The following NTM variants were observed in gnomAD, a reference collection of about 807,000 sequenced individuals.
NTM encodes the protein neurotrimin.
In NTM, 13 loss-of-function variants were observed where a neutral mutation model predicts 42.1. That is an observed-to-expected ratio of 0.31 (90% CI 0.20 to 0.49). The LOEUF is 0.49. Ranked by LOEUF, NTM falls within the 20% of genes least tolerant of loss-of-function variation. The probability of loss-of-function intolerance (pLI) is 0.99; values close to 1 mark genes in which losing one functional copy is unlikely to be tolerated. For missense variants in NTM, 373 were observed against 452.8 expected, an observed-to-expected ratio of 0.82 and a Z score of 1.60; for synonymous variants, 187 against 179.2, an observed-to-expected ratio of 1.04 and a Z score of -0.35.
At chr11:132,271,587 C>A (rs796956297) in intron 4 of NTM, among the ~76,000 whole-genome samples, 57 of 152,180 alleles carry the variant, frequency 3.7e-4, no homozygotes, top group African/African-American at 1.1e-3. Context: ...TTATAGCCAT[C>A]CTAGTGGGGT....
rs140488715 is a variant in NTM at position 131,623,657 on chromosome 11, C to G, written c.82+252769C>G. Among the ~76,000 whole-genome samples, 223 of 152,346 alleles carry G rather than the reference C, an allele frequency of 1.5e-3. 4 individuals carry two copies. Among genetic ancestry groups the G allele is most frequent in the African/African-American group, 4.5e-3 (188 of 41,582 alleles). On this transcript the variant is annotated intron_variant, in intron 1 of 8. Transcript: ENST00000683400. ...TAGGGACGCGGATGGAGGACACTTG[C>G]AGTGCGCCTGCCTGGAGTGACCCCC...
chr11:131,427,259 A>G (rs974732442), intron 1 of NTM, among the ~76,000 whole-genome samples: 2 of 152,220 alleles, frequency 1.3e-5, no homozygotes, highest in East Asian at 3.9e-4. Context: ...AGTGAACCCA[A>G]ATAAGGTCTG....
chr11:131,953,499 AG>A (rs955375714), intron 2 of NTM, among the ~76,000 whole-genome samples: 5 of 152,226 alleles, frequency 3.3e-5, no homozygotes, highest in Non-Finnish European at 7.3e-5. Flanking sequence ...AGTGAAATGT[AG>A]CATTAAAATT....
At chr11:132,200,227 A>G (rs964241294) in intron 3 of NTM, among the ~76,000 whole-genome samples, 1 of 152,200 alleles carries the variant, frequency 6.6e-6, no homozygotes, top group Non-Finnish European at 1.5e-5. Flanking sequence ...ACCACCTCCC[A>G]GGATTCAAGA....
intron 3 of NTM, among the ~76,000 whole-genome samples, chr11:132,175,811 T>G (rs566991820): frequency 1.3e-5 from 2 of 152,290 alleles, no homozygotes; most frequent in East Asian, 3.9e-4. Context: ...GCAGCCACCC[T>G]TAGAAGTTCC....
At chr11:132,023,351 A>G (rs371118195) in intron 2 of NTM, among the ~76,000 whole-genome samples, 1 of 152,236 alleles carries the variant, frequency 6.6e-6, no homozygotes, top group African/African-American at 2.4e-5. Context: ...TGGCAAACAA[A>G]CACAAGTAAT....
At chr11:132,319,440 G>T (rs558189266) in intron 7 of NTM, among the ~76,000 whole-genome samples, 1 of 152,170 alleles carries the variant, frequency 6.6e-6, no homozygotes, top group Non-Finnish European at 1.5e-5. Context: ...CTTTTCCAAC[G>T]GGCTTAAAAA....
At chr11:131,606,672 C>T (rs547895806) in intron 1 of NTM, among the ~76,000 whole-genome samples, 2 of 152,110 alleles carry the variant, frequency 1.3e-5, no homozygotes, top group African/African-American at 4.8e-5. Context: ...GGCACACTCA[C>T]ACCCCACCTG....
chr11:132,042,904 G>A (rs2077394622), intron 2 of NTM, among the ~76,000 whole-genome samples: 1 of 152,140 alleles, frequency 6.6e-6, no homozygotes, highest in South Asian at 2.1e-4. Flanking sequence ...TCCCTGGTTT[G>A]TAGGACTCTA....
chr11:131,660,605 G>A (rs552732799), intron 1 of NTM: 1 of 457,644 alleles, frequency 2.2e-6, no homozygotes, highest in African/African-American at 2.0e-5. Context: ...CACATCTGAG[G>A]GCTGGCCTTG....
chr11:132,088,577 G>A (rs1035045591), intron 2 of NTM, among the ~76,000 whole-genome samples: 3 of 152,044 alleles, frequency 2.0e-5, no homozygotes, highest in Admixed American at 2.0e-4. Flanking sequence ...CACCACATAC[G>A]AGTGGAAGAA....
chr11:132,284,486 C>G (rs2094142084), intron 4 of NTM: 1 of 153,740 alleles, frequency 6.5e-6, no homozygotes, highest in Non-Finnish European at 1.4e-5. Flanking sequence ...GCATGACCTA[C>G]TTAGGGACCC....
chr11:131,907,694 TC>T (rs902974592), intron 1 of NTM, among the ~76,000 whole-genome samples: 1 of 152,082 alleles, frequency 6.6e-6, no homozygotes, highest in Admixed American at 6.5e-5. Flanking sequence ...GAATCGGCTT[TC>T]AAGGAGGCAG....
At chr11:132,170,073 A>G (rs1404975965) in intron 3 of NTM, among the ~76,000 whole-genome samples, 1 of 152,188 alleles carries the variant, frequency 6.6e-6, no homozygotes, top group African/African-American at 2.4e-5. Context: ...ACAAACCTTC[A>G]GATGCTGTGA....
intron 1 of NTM, chr11:131,910,886 G>A (rs567024180): frequency 5.1e-6 from 5 of 985,520 alleles, no homozygotes; most frequent in African/African-American, 1.7e-5. Flanking sequence ...CCCGGGCCCG[G>A]ATCGCACGAA....
At position 131,768,430 on chromosome 11, in the gene NTM, T is replaced by C. The variant is rs190920823; in HGVS notation, c.83-143134T>C. Reference sequence around the variant, plus strand: ...ACTGTGCTTGGCTGTGAAAATGTAATTCAGGACTAGTTTGAGCTGAATTCG... The same window carrying C: ...ACTGTGCTTGGCTGTGAAAATGTAACTCAGGACTAGTTTGAGCTGAATTCG... On this transcript the variant is annotated intron_variant, in intron 1 of 8. Coordinates refer to ENST00000683400, the MANE Select transcript of NTM (RefSeq NM_001352005.2). Among the ~76,000 whole-genome samples the C allele has an allele frequency of 3.6e-3, 553 of 152,306 alleles. 9 individuals carry two copies. The South Asian group carries it at 0.057, about 16-fold the overall frequency.
chr11:131,697,971 C>G (rs536569072), intron 1 of NTM, among the ~76,000 whole-genome samples: 90 of 152,174 alleles, frequency 5.9e-4, no homozygotes, highest in Non-Finnish European at 9.7e-4. Context: ...GTCAGGGGCT[C>G]CAGGAGTGAA....
chr11:131,553,643 T>G (rs746926366), intron 1 of NTM, among the ~76,000 whole-genome samples: 7 of 152,212 alleles, frequency 4.6e-5, no homozygotes, highest in Non-Finnish European at 1.0e-4. Context: ...CTTAGAACTG[T>G]GTAATCTTTA....
intron 1 of NTM, among the ~76,000 whole-genome samples, chr11:131,486,715 C>A (rs925831618): frequency 1.3e-5 from 2 of 152,182 alleles, no homozygotes; most frequent in African/African-American, 4.8e-5. Context: ...ACCCTGGCAG[C>A]CTGTCACCTT....
Sources: gnomAD v4.1 joint callset for allele counts (sites outside exome capture counted in the v4.1 genomes callset) on GRCh38, gnomAD v4.1.1 for gene constraint, MANE v1.5 for transcripts, NCBI Gene and HGNC (gene_info 2026-07-23, HGNC 2026-07-21) for gene names.